Variants in UBP1 observed in about 807,000 individuals in gnomAD.
UBP1 encodes upstream-binding protein 1.
Under a neutral mutation model 76.1 loss-of-function variants are expected in UBP1, and 22 were observed. That is an observed-to-expected ratio of 0.29 (90% CI 0.21 to 0.41). UBP1 has a LOEUF of 0.41. Ranked by LOEUF, UBP1 falls within the 10% of genes least tolerant of loss-of-function variation. The pLI, the probability that UBP1 is intolerant of heterozygous loss-of-function variation, is 1.00. For synonymous variants in UBP1, 224 were observed against 237.1 expected (o/e 0.94, Z 0.51); for missense variants, 436 against 668.1 (o/e 0.65, Z 3.83).
chr3:33,407,482 T>C (rs917014073), intron 8 of UBP1, among the ~76,000 whole-genome samples: 6 of 151,814 alleles, frequency 4.0e-5, no homozygotes, highest in Non-Finnish European at 8.8e-5. Flanking sequence ...AAAACAAAAT[T>C]GCTGGGGCGG....
chr3:33,429,390 C>G (rs1418117389), intron 1 of UBP1, among the ~76,000 whole-genome samples: 1 of 151,918 alleles, frequency 6.6e-6, no homozygotes, highest in Non-Finnish European at 1.5e-5. Flanking sequence ...GCTCTGTCTC[C>G]CAGGCTGGAG....
intron 2 of UBP1, among the ~76,000 whole-genome samples, chr3:33,420,722 C>T (rs776647357): frequency 1.3e-4 from 20 of 152,068 alleles, no homozygotes; most frequent in Admixed American, 7.2e-4. Context: ...CTCTCGACCT[C>T]GTGATCCACC....
chr3:33,396,934 G>T, intron 12 of UBP1, 111 bp downstream of exon 12: 1 of 949,442 alleles, frequency 1.1e-6, no homozygotes, highest in Non-Finnish European at 1.7e-6. Flanking sequence ...AATGCTCGAT[G>T]GCGCACACAG....
intron 2 of UBP1, among the ~76,000 whole-genome samples, chr3:33,423,113 C>G (rs1037600440): frequency 2.0e-5 from 3 of 151,100 alleles, no homozygotes; most frequent in Admixed American, 6.6e-5. Context: ...GTGATCTTGG[C>G]TCACTGCAAC....
intron 13 of UBP1, among the ~76,000 whole-genome samples, chr3:33,394,193 TA>T (rs2043876804): frequency 8.0e-5 from 5 of 62,738 alleles, no homozygotes; most frequent in East Asian, 1.2e-3. Context: ...GGCTAATTTT[TA>T]TTATTATTAT....
chr3:33,407,004 G>C (rs751642411), intron 8 of UBP1, among the ~76,000 whole-genome samples: 2 of 152,168 alleles, frequency 1.3e-5, no homozygotes, highest in Non-Finnish European at 2.9e-5. Flanking sequence ...AAAGCCAATT[G>C]TAACTAGCCA....
intron 3 of UBP1, 113 bp downstream of exon 3, chr3:33,416,645 A>G (rs1575478853): frequency 1.3e-6 from 1 of 787,438 alleles, no homozygotes; most frequent in Non-Finnish European, 2.0e-6. Flanking sequence ...TATAGCTCAT[A>G]AAGTTAAAAA....
Position 33,416,835 on chromosome 3 carries a change from CTATT to C in UBP1, c.266-5_266-2del, listed in dbSNP as rs1364693911. ...AGCATCCGAATTTCATATGACTGAC[CTATT>C]TAAAGAAATTGTGTATAAAAAACAA... On this transcript the variant is annotated splice_acceptor_variant and splice_polypyrimidine_tract_variant and intron_variant, in intron 2 of 15. Transcript: ENST00000283629. LOFTEE classifies it high-confidence loss of function. 1 of 1,612,434 alleles carries C rather than the reference CTATT, an allele frequency of 6.2e-7. No homozygotes were observed. The highest frequency in any genetic ancestry group is 1.1e-5 in the South Asian group (1 of 90,910).
At chr3:33,427,180 G>T (rs1316323818) in intron 1 of UBP1, among the ~76,000 whole-genome samples, 2 of 152,212 alleles carry the variant, frequency 1.3e-5, no homozygotes, top group Non-Finnish European at 2.9e-5. Flanking sequence ...GGCCAGACTA[G>T]TCTCAAACTC....
intron 14 of UBP1, 49 bp downstream of exon 14, chr3:33,393,263 A>G: frequency 1.9e-6 from 3 of 1,538,554 alleles, no homozygotes; most frequent in Admixed American, 2.1e-5. Flanking sequence ...AATTACATGT[A>G]TAAAAGTAAA....
At chr3:33,396,363 A>C in intron 12 of UBP1, 83 bp from the exon 13 acceptor site, 1 of 1,031,532 alleles carries the variant, frequency 9.7e-7, no homozygotes, top group Non-Finnish European at 1.4e-6. Flanking sequence ...CAGGAATCTA[A>C]GTTCTATTTC....
chr3:33,409,379 G>C, intron 6 of UBP1, 33 bp from the exon 7 acceptor site: 1 of 1,613,806 alleles, frequency 6.2e-7, no homozygotes, highest in Non-Finnish European at 8.5e-7. Flanking sequence ...TCATCTATCA[G>C]GCTGCAGACA....
At chr3:33,426,011 AT>A (rs1559690502) in intron 1 of UBP1, among the ~76,000 whole-genome samples, 3,065 of 88,714 alleles carry the variant, frequency 0.035, 277 homozygotes, top group Admixed American at 0.11. Flanking sequence ...ATATATATAT[AT>A]ATATATATAT....
At chr3:33,407,205 G>A (rs1320547498) in intron 8 of UBP1, among the ~76,000 whole-genome samples, 2 of 152,130 alleles carry the variant, frequency 1.3e-5, no homozygotes, top group Non-Finnish European at 2.9e-5. Context: ...AATACATGAG[G>A]AAGATGTGAA....
rs745414199 is a variant in UBP1 at position 33,400,267 on chromosome 3, C to A, written c.1102G>T (p.Ala368Ser). ...QTSGEQIQPS[A>S]TIQETQQWLL... ...CATTGCTGTGTTTCCTGGATCGTAG[C>A]TGAAGGCTGAATTTGCTATTAACAA... Residue 368 changes from alanine (A) to serine (S), a missense_variant, in exon 11 of 16, where the codon GCT becomes TCT. Around this residue, in one of 3 missense-constraint regions of UBP1, gnomAD observed 210 missense variants for 272.8 expected, o/e 0.77. Transcript: ENST00000283629. 6.9e-6 allele frequency: 11 copies of A among 1,600,000 alleles called. No individual in the cohort carries two copies. In the African/African-American group the frequency reaches 1.1e-4, roughly 16 times the overall value.
intron 8 of UBP1, 61 bp downstream of exon 8, chr3:33,408,629 C>T: frequency 7.1e-7 from 1 of 1,401,130 alleles, no homozygotes; most frequent in Non-Finnish European, 9.7e-7. Flanking sequence ...GGAAGTTGGT[C>T]CTATATCTAA....
In UBP1 at chr3:33,409,457, C is replaced by T; in HGVS notation, c.700G>A (p.Val234Ile). 2 of 1,614,134 alleles carry T rather than the reference C, an allele frequency of 1.2e-6. No homozygotes were observed. The highest frequency in any genetic ancestry group is 1.7e-6 in the Non-Finnish European group (2 of 1,180,008). The change falls in exon 6 of 16, where the codon GTT becomes ATT. Residue 234 changes from valine to isoleucine, a missense_variant. Transcript: ENST00000283629. ...CGGGTTCTCTGTCTTACCTTAAAAACTTTGATTTGGCAGCTAGCTGAGTGT... is the reference window on the plus strand; with the variant it reads ...CGGGTTCTCTGTCTTACCTTAAAAATTTTGATTTGGCAGCTAGCTGAGTGT... Reference protein sequence around the residue: ...HLHSASCQIKVFKPKGADRKQ... With the variant: ...HLHSASCQIKIFKPKGADRKQ...
intron 15 of UBP1, chr3:33,390,998 A>C (rs576265742): frequency 6.5e-6 from 1 of 152,764 alleles, no homozygotes; most frequent in South Asian, 2.1e-4. Flanking sequence ...TCACAAAACA[A>C]AACTATGCAA....
At chr3:33,417,185 T>C (rs778279812) in intron 2 of UBP1, among the ~76,000 whole-genome samples, 1 of 152,196 alleles carries the variant, frequency 6.6e-6, no homozygotes, top group Non-Finnish European at 1.5e-5. Flanking sequence ...GTGTAAATCA[T>C]TGGTTTTCAG....
Sources: allele counts gnomAD v4.1 joint callset (sites outside exome capture counted in the v4.1 genomes callset), GRCh38; gene constraint gnomAD v4.1.1; regional missense constraint gnomAD v4.1.1; transcripts MANE v1.5; gene names NCBI Gene and HGNC (gene_info 2026-07-23, HGNC 2026-07-21).